RGS7: variants seen among roughly 807,000 people sequenced by gnomAD.
RGS7 encodes the protein regulator of G protein signaling 7, also known as regulator of G-protein signaling 7.
A neutral mutation model predicts 81.1 loss-of-function variants in RGS7; 27 were observed. The ratio of observed to expected loss-of-function variants is 0.33; its 90% confidence interval spans 0.25 to 0.46. RGS7 has a LOEUF of 0.46. Among genes scored for constraint, RGS7 ranks in the 20% least tolerant of loss-of-function variants. The pLI is 1.00. For missense variants in RGS7, 396 were observed against 607.4 expected, an observed-to-expected ratio of 0.65 and a Z score of 3.66; for synonymous variants, 208 against 207.7, an observed-to-expected ratio of 1.00 and a Z score of -0.01.
chr1:241,126,350 T>C (rs2066659569), intron 2 of RGS7, among the ~76,000 whole-genome samples: 1 of 152,116 alleles, frequency 6.6e-6, no homozygotes, highest in African/African-American at 2.4e-5. Flanking sequence ...GGTTTCTCCA[T>C]GTTGGTTAGG....
At chr1:241,183,208 G>A (rs1192209800) in intron 2 of RGS7, among the ~76,000 whole-genome samples, 11 of 152,096 alleles carry the variant, frequency 7.2e-5, no homozygotes, top group Admixed American at 3.9e-4. Flanking sequence ...TCGTTCATGT[G>A]GTAAGATACC....
intron 2 of RGS7, among the ~76,000 whole-genome samples, chr1:241,231,213 G>A (rs1171377351): frequency 6.6e-6 from 1 of 152,180 alleles, no homozygotes; most frequent in Non-Finnish European, 1.5e-5. Context: ...GCTAGCTGGG[G>A]AGGACTCTGC....
rs58610723 is a variant in RGS7 at position 241,144,926 on chromosome 1, G to GGTGTGTGTGT, written c.79-46174_79-46165dup. Among the ~76,000 whole-genome samples, 43 of 141,968 alleles carry GGTGTGTGTGT rather than the reference G, an allele frequency of 3.0e-4. No individual in the cohort carries two copies. Among genetic ancestry groups the GGTGTGTGTGT allele is most frequent in the African/African-American group, 8.3e-4 (31 of 37,418 alleles). 93.1% of individuals were successfully genotyped at this position (141,968 alleles called of 152,430 possible). ...TCAGTATGTGTTGGCAGGGCAGGATGGTGTGTGTGTGTGTGTGTGTGTGTG... is the reference window on the plus strand; with the variant it reads ...TCAGTATGTGTTGGCAGGGCAGGATGGTGTGTGTGTGTGTGTGTGTGTGTGTGTGTGTGTG... On this transcript the variant is annotated intron_variant, in intron 2 of 18. Coordinates refer to ENST00000440928, the MANE Select transcript of RGS7 (RefSeq NM_001364886.1). The surrounding 1 kb of genome is among the most constrained non-coding windows in gnomAD (Gnocchi z 4.7).
intron 9 of RGS7, among the ~76,000 whole-genome samples, chr1:240,827,881 A>AC (rs1276258456): frequency 6.6e-6 from 1 of 150,618 alleles, no homozygotes; most frequent in East Asian, 1.9e-4. Context: ...AAAAAAAAAA[A>AC]AAAAAAACAG....
chr1:240,960,217 C>CTTCTTCTTTTTTTTTTTTTTT, intron 4 of RGS7, among the ~76,000 whole-genome samples: 1 of 8,956 alleles, frequency 1.1e-4, no homozygotes, highest in Non-Finnish European at 2.0e-4. Flanking sequence ...TCTTCTTCTT[C>CTTCTTCTTTTTTTTTTTTTTT]TTTTTTTTTT....
chr1:241,333,890 G>A (rs535856861), intron 2 of RGS7, among the ~76,000 whole-genome samples: 34 of 151,610 alleles, frequency 2.2e-4, no homozygotes, highest in South Asian at 1.3e-3. Flanking sequence ...TTGTATTTCC[G>A]TATGTTAATA....
At chr1:240,969,427 T>C (rs1392080957) in intron 4 of RGS7, among the ~76,000 whole-genome samples, 1 of 152,180 alleles carries the variant, frequency 6.6e-6, no homozygotes, top group Non-Finnish European at 1.5e-5. Context: ...GTGGACAGTG[T>C]AGAAATATCA....
chr1:240,856,340 G>A (rs560631800), intron 9 of RGS7, among the ~76,000 whole-genome samples: 41 of 152,080 alleles, frequency 2.7e-4, no homozygotes, highest in African/African-American at 8.7e-4. Context: ...TTACACCCCC[G>A]TTCTACTTAT....
intron 3 of RGS7, among the ~76,000 whole-genome samples, chr1:241,022,048 G>T (rs1285690414): frequency 1.3e-5 from 2 of 151,994 alleles, no homozygotes; most frequent in Admixed American, 1.3e-4. Flanking sequence ...CGCAATACAG[G>T]GTCCTACGAT....
chr1:241,014,441 G>A (rs1021946357), intron 3 of RGS7, among the ~76,000 whole-genome samples: 2 of 152,202 alleles, frequency 1.3e-5, no homozygotes, highest in Non-Finnish European at 1.5e-5. Context: ...AACATTAATA[G>A]TTCAGACAGC....
chr1:241,044,566 G>A (rs887827304), intron 3 of RGS7, among the ~76,000 whole-genome samples: 32 of 152,104 alleles, frequency 2.1e-4, no homozygotes, highest in Non-Finnish European at 4.0e-4. Context: ...GAGACTACAG[G>A]TTATGCCACC....
chr1:241,060,839 A>C (rs2061705141), intron 3 of RGS7, among the ~76,000 whole-genome samples: 1 of 152,184 alleles, frequency 6.6e-6, no homozygotes, highest in African/African-American at 2.4e-5. Flanking sequence ...GCGTTACAAG[A>C]ATAGCTTAAA....
At chr1:241,220,995 A>AAGGAAGAAAGAAAGAG (rs1320023810) in intron 2 of RGS7, among the ~76,000 whole-genome samples, 14 of 42,322 alleles carry the variant, frequency 3.3e-4, no homozygotes, top group African/African-American at 8.7e-4. Context: ...GGAAGGAAGG[A>AAGGAAGAAAGAAAGAG]AGAGAGAGAG....
chr1:240,936,858 G>T, intron 4 of RGS7, 152 bp from the exon 5 acceptor site: 1 of 664,002 alleles, frequency 1.5e-6, no homozygotes, highest in Non-Finnish European at 2.6e-6. Flanking sequence ...TTGCTCTCGA[G>T]ATAAACTTCC....
At chr1:240,925,535 C>G (rs1055241353) in intron 6 of RGS7, among the ~76,000 whole-genome samples, 3 of 152,138 alleles carry the variant, frequency 2.0e-5, no homozygotes, top group Non-Finnish European at 4.4e-5. Context: ...TATTGATGGG[C>G]ACCTATGTTG....
chr1:240,890,797 T>G (rs931032835), intron 6 of RGS7, among the ~76,000 whole-genome samples: 1 of 152,124 alleles, frequency 6.6e-6, no homozygotes, highest in Admixed American at 6.5e-5. Flanking sequence ...AATGGCTGCA[T>G]TGGAATTTGA....
chr1:240,822,696 A>T (rs1692022186), intron 10 of RGS7, among the ~76,000 whole-genome samples: 1 of 152,158 alleles, frequency 6.6e-6, no homozygotes. Context: ...TATACATTTC[A>T]CTTCCATCAT....
chr1:240,929,294 T>A (rs1301465084), intron 6 of RGS7, among the ~76,000 whole-genome samples: 2 of 152,192 alleles, frequency 1.3e-5, no homozygotes, highest in Non-Finnish European at 2.9e-5. Flanking sequence ...CTAGCTTGAA[T>A]AAAATGCTCC....
At chr1:240,885,355 A>G (rs867733511) in intron 6 of RGS7, among the ~76,000 whole-genome samples, 1 of 152,322 alleles carries the variant, frequency 6.6e-6, no homozygotes, top group East Asian at 1.9e-4. Context: ...CTTCTCAAAG[A>G]GCTAAAAACA....
Sources: allele counts gnomAD v4.1 joint callset (sites outside exome capture counted in the v4.1 genomes callset), GRCh38; gene constraint gnomAD v4.1.1; non-coding constraint Gnocchi (gnomAD v3.1); transcripts MANE v1.5; gene names NCBI Gene and HGNC (gene_info 2026-07-23, HGNC 2026-07-21).